SPIN3: variants seen among roughly 807,000 people sequenced by gnomAD.
The protein encoded by SPIN3 is spindlin family member 3, also known as spindlin-3.
For synonymous variants in SPIN3, 74 were observed against 74.3 expected (o/e 1.00, Z 0.02); for missense variants, 176 against 196.4 (o/e 0.90, Z 0.62).
At chrX:56,976,872 T>C (rs1924017430) in exon 6 of SPIN3, 1 of 111,903 alleles carries the variant, frequency 8.9e-6, no homozygotes, top group Non-Finnish European at 1.9e-5. Flanking sequence ...TTTGTCAGTA[T>C]AGATTTAGTA....
chrX:56,994,153 C>T lies in SPIN3; in HGVS notation c.*18G>A, dbSNP rs1924423126. 8.5e-7 allele frequency: 1 copy of T among 1,175,896 alleles called. No individual in the cohort carries two copies. Among genetic ancestry groups the T allele is most frequent in the Non-Finnish European group, 1.1e-6 (1 of 876,841 alleles). On this transcript the variant is annotated 3_prime_UTR_variant, in exon 2 of 2. Transcript: ENST00000374919. ...CAGATTTAGAGTCTCATATATTTGGCAAATTTCAAGATGACCTCTAAGATG... is the reference window on the plus strand; with the variant it reads ...CAGATTTAGAGTCTCATATATTTGGTAAATTTCAAGATGACCTCTAAGATG...
chrX:56,984,500 T>G (rs1330087932), intron 2 of SPIN3: 11 of 317,985 alleles, frequency 3.5e-5, no homozygotes, highest in Admixed American at 3.3e-4. Context: ...AAAAAAAAAG[T>G]ACAGTGGAGG....
intron 2 of SPIN3, chrX:56,984,504 G>A (rs770558859): frequency 6.5e-5 from 21 of 322,967 alleles, no homozygotes; most frequent in African/African-American, 5.2e-4. Context: ...AAAAAGTACA[G>A]TGGAGGAGCT....
chrX:56,994,105 G>A lies in SPIN3; in HGVS notation c.*66C>T, dbSNP rs900325012. 16 of 1,042,572 alleles carry A rather than the reference G, an allele frequency of 1.5e-5. No homozygotes were observed. The highest frequency in any genetic ancestry group is 3.2e-5 in the Admixed American group (1 of 30,860). The allele number at this position is 1,042,572 out of a possible 1,213,427, so 85.9% of individuals were successfully genotyped here. A position where few individuals can be genotyped will look rare whatever the true frequency, so the allele number is the denominator to read the frequency against. On this transcript the variant is annotated 3_prime_UTR_variant, in exon 2 of 2. Coordinates refer to ENST00000374919, the MANE Select transcript of SPIN3 (RefSeq NM_001010862.3). The stretch of plus-strand genomic sequence containing the variant: ...GAAGATGGTTCTTACAAACTGGAAA[G>A]CAATCAAGACTTTCTGTGTCTACAG...
downstream of SPIN3, among the ~76,000 whole-genome samples, chrX:56,986,129 T>A (rs773100252): frequency 9.0e-6 from 1 of 111,576 alleles, no homozygotes; most frequent in South Asian, 3.8e-4. Context: ...GTAAGCTCCA[T>A]GAGAACAGGC....
chrX:56,978,123 A>G (rs1197859886), intron 5 of SPIN3: 1 of 111,500 alleles, frequency 9.0e-6, no homozygotes, highest in Non-Finnish European at 1.9e-5. Context: ...TTGATGGCCT[A>G]CATGTGATGT....
intron 5 of SPIN3, chrX:56,978,116 A>T (rs1438000420): frequency 2.7e-5 from 3 of 111,452 alleles, no homozygotes; most frequent in Non-Finnish European, 5.7e-5. Flanking sequence ...CAGACTGTTG[A>T]TGGCCTACAT....
chrX:56,979,270 T>C, intron 3 of SPIN3: 1 of 111,068 alleles, frequency 9.0e-6, no homozygotes, highest in Admixed American at 9.6e-5. Context: ...CTGCATTGGT[T>C]ACCAAGAGTT....
At chrX:56,977,719 G>A (rs1194681297) in intron 5 of SPIN3, 1 of 111,714 alleles carries the variant, frequency 9.0e-6, no homozygotes, top group East Asian at 2.8e-4. Flanking sequence ...GGAACATGAG[G>A]GTTCTGCCCT....
chrX:56,982,480 T>C (rs1602738746), intron 3 of SPIN3: 1 of 111,541 alleles, frequency 9.0e-6, no homozygotes, highest in East Asian at 2.8e-4. Context: ...TCAGTTCTTT[T>C]CTCCTCCAGT....
intron 3 of SPIN3, chrX:56,979,199 C>T (rs1393051372): frequency 1.8e-5 from 2 of 110,793 alleles, no homozygotes; most frequent in African/African-American, 6.6e-5. Context: ...ATCTGGCAAA[C>T]ATAGTAATTT....
intron 3 of SPIN3, among the ~76,000 whole-genome samples, chrX:56,983,583 G>A (rs1356058639): frequency 8.9e-6 from 1 of 112,952 alleles, no homozygotes; most frequent in Admixed American, 9.3e-5. Context: ...TGTGTGTGCA[G>A]TGATTTGTGT....
rs1009408691 is a variant in SPIN3 at position 56,994,969 on chromosome X, T to C, written c.-2-20A>G. ...TCATGCCTGCGAAGAGGAGCACAGT[T>C]GCCAGGTGGACCGAGAAAGGAAATT... is the stretch of plus-strand genomic sequence containing the variant. On this transcript the variant is annotated intron_variant, in intron 1 of 1. Transcript: ENST00000374919. The C allele has an allele frequency of 1.7e-6, 2 of 1,151,833 alleles. No homozygotes were observed. Among genetic ancestry groups the C allele is most frequent in the African/African-American group, 3.6e-5 (2 of 54,947 alleles). 94.9% of individuals were successfully genotyped at this position (1,151,833 alleles called of 1,213,427 possible).
rs1173756058 is a variant in SPIN3 at position 56,994,177 on chromosome X, T to C, written c.771A>G (p.Thr257=). The change falls in exon 2 of 2, where the codon ACA becomes ACG. Residue 257 remains threonine, a synonymous_variant. Coordinates refer to ENST00000374919, the MANE Select transcript of SPIN3 (RefSeq NM_001010862.3). ...GCAAATTTCAAGATGACCTCTAAGA[T>C]GTTTTTACCAAATCGTAGACATAGA... The part of the protein sequence containing the change: ...FHIYVYDLVK[T]S 3.3e-6 allele frequency: 4 copies of C among 1,199,075 alleles called. No individual in the cohort carries two copies. Among genetic ancestry groups the C allele is most frequent in the Admixed American group, 2.2e-5 (1 of 44,642 alleles).
intron 3 of SPIN3, chrX:56,978,878 T>A (rs1924058345): frequency 8.9e-6 from 1 of 111,759 alleles, no homozygotes; most frequent in African/African-American, 3.3e-5. Flanking sequence ...TATGATCTTA[T>A]GTGGAGTCTT....
In SPIN3 at chrX:56,994,963, C is replaced by A. The variant is rs1056561967; in HGVS notation, c.-2-14G>T. On this transcript the variant is annotated splice_polypyrimidine_tract_variant and intron_variant, in intron 1 of 1. Transcript: ENST00000374919. ...GGGTCTTCATGCCTGCGAAGAGGAG[C>A]ACAGTTGCCAGGTGGACCGAGAAAG... 8.6e-7 allele frequency: 1 copy of A among 1,160,188 alleles called. No individual in the cohort carries two copies. Among genetic ancestry groups the A allele is most frequent in the East Asian group, 3.0e-5 (1 of 33,299 alleles).
downstream of SPIN3, among the ~76,000 whole-genome samples, chrX:56,988,997 G>A (rs190806139): frequency 8.9e-6 from 1 of 111,845 alleles, no homozygotes; most frequent in African/African-American, 3.2e-5. Context: ...TTTGACCAAA[G>A]GAGTCACTCA....
intron 3 of SPIN3, chrX:56,979,178 C>T (rs756793587): frequency 1.8e-5 from 2 of 111,379 alleles, no homozygotes; most frequent in Non-Finnish European, 3.8e-5. Flanking sequence ...TCTACAAAAC[C>T]TGATAGTGTA....
chrX:56,979,446 G>A (rs1001266897), intron 3 of SPIN3: 7 of 111,744 alleles, frequency 6.3e-5, no homozygotes, highest in Middle Eastern at 4.3e-3. Context: ...CAAAAACACA[G>A]TAAAAAGGAA....
Sources: gnomAD v4.1 joint callset for allele counts (sites outside exome capture counted in the v4.1 genomes callset) on GRCh38, gnomAD v4.1.1 for gene constraint, MANE v1.5 for transcripts, NCBI Gene and HGNC (gene_info 2026-07-23, HGNC 2026-07-21) for gene names.